ANP32D: variants seen among roughly 807,000 people sequenced by gnomAD.
ANP32D encodes the protein acidic nuclear phosphoprotein 32 family member D.
In ANP32D, 6 loss-of-function variants were observed where a neutral mutation model predicts 7.8. The ratio of observed to expected loss-of-function variants is 0.77; its 90% CI spans 0.42 to 1.52. The LOEUF is 1.52. Ranked by LOEUF, ANP32D falls within the 40% of genes most tolerant of loss-of-function variation. ANP32D has a pLI of 0.01. For synonymous variants in ANP32D, 69 were observed against 59.7 expected (o/e 1.16, Z -0.72); for missense variants, 163 against 145.9 (o/e 1.12, Z -0.60).
In ANP32D at chr12:48,473,346, C is replaced by G. The variant is rs1254096868; in HGVS notation, c.*286C>G. 4.3e-6 allele frequency: 5 copies of G among 1,157,410 alleles called. No homozygotes were observed. Among genetic ancestry groups the G allele is most frequent in the Middle Eastern group, 3.9e-4 (2 of 5,132 alleles). 71.7% of individuals were successfully genotyped at this position (1,157,410 alleles called of 1,614,324 possible). A position where few individuals can be genotyped will look rare whatever the true frequency, so the allele number is the denominator to read the frequency against. On this transcript the variant is annotated 3_prime_UTR_variant, in exon 1 of 1. Coordinates refer to ENST00000266594, the MANE Select transcript of ANP32D (RefSeq NM_012404.3). ...AGATGATGAGGAAGATGAAGAAGAG[C>G]TTGGTGAAGAAGAAAGGGGTCAGAA... is the stretch of plus-strand genomic sequence containing the variant.
chr12:48,472,637 A>G lies in ANP32D; in HGVS notation c.-28A>G, dbSNP rs777415345. 6 of 1,613,336 alleles carry G rather than the reference A, an allele frequency of 3.7e-6. No individual in the cohort carries two copies. In the Admixed American group the frequency reaches 1.0e-4, roughly 27 times the overall value. Reference sequence around the variant, plus strand: ...TTTATTGGTTGAATTCCGCTGGCTCAGGAGCCTCTGCAGAGAAAGCGTGAG... The same window carrying G: ...TTTATTGGTTGAATTCCGCTGGCTCGGGAGCCTCTGCAGAGAAAGCGTGAG... On this transcript the variant is annotated 5_prime_UTR_variant, in exon 1 of 1. Transcript: ENST00000266594.
At position 48,473,347 on chromosome 12, in the gene ANP32D, T is replaced by C; in HGVS notation, c.*287T>C. ...GATGATGAGGAAGATGAAGAAGAGC[T>C]TGGTGAAGAAGAAAGGGGTCAGAAG... On this transcript the variant is annotated 3_prime_UTR_variant, in exon 1 of 1. Transcript: ENST00000266594. 8.7e-7 allele frequency: 1 copy of C among 1,154,990 alleles called. No homozygotes were observed. The highest frequency in any genetic ancestry group is 1.3e-6 in the Non-Finnish European group (1 of 787,240). The allele number at this position is 1,154,990 out of a possible 1,614,324, so 71.5% of individuals were successfully genotyped here.
chr12:48,472,996 A>T lies in ANP32D; in HGVS notation c.332A>T (p.Lys111Met). ...KDLSTIEPLK[K>M]LENLESLDLF... ...CTCAGCACAATAGAGCCCCTGAAAAAGTTAGAAAACCTCGAGAGCTTAGAC... is the reference window on the plus strand; with the variant it reads ...CTCAGCACAATAGAGCCCCTGAAAATGTTAGAAAACCTCGAGAGCTTAGAC... Residue 111 changes from lysine to methionine, a missense_variant, in exon 1 of 1, where the codon AAG becomes ATG. By Grantham distance (95) the Lys-to-Met change is moderately conservative (BLOSUM62 -1). Transcript: ENST00000266594. 1 of 1,614,164 alleles carries T rather than the reference A, an allele frequency of 6.2e-7. No individual in the cohort carries two copies. Among genetic ancestry groups the T allele is most frequent in the Non-Finnish European group, 8.5e-7 (1 of 1,180,022 alleles).
In ANP32D at chr12:48,472,895, A is replaced by G; in HGVS notation, c.231A>G (p.Ser77=). 1 of 1,614,198 alleles carries G rather than the reference A, an allele frequency of 6.2e-7. No homozygotes were observed. Among genetic ancestry groups the G allele is most frequent in the Non-Finnish European group, 8.5e-7 (1 of 1,180,034 alleles). ...KKLELSSNRA[S]VGLEVLAEKC... ...TTGAACTAAGCAGTAACAGAGCCTC[A>G]GTGGGCCTAGAAGTATTGGCAGAAA... The change falls in exon 1 of 1, where the codon TCA becomes TCG. Residue 77 remains serine (S), a synonymous_variant. Transcript: ENST00000266594.
At position 48,473,492 on chromosome 12, in the gene ANP32D, G is replaced by GC. The variant is rs35164299; in HGVS notation, c.*437dup. Reference sequence around the variant, plus strand: ...GTATCCCCTCCCCCACTCCAATCCTGCCCCCTGAAACTTATTTTTTTCTGA... The same window carrying GC: ...GTATCCCCTCCCCCACTCCAATCCTGCCCCCCTGAAACTTATTTTTTTCTGA... On this transcript the variant is annotated 3_prime_UTR_variant, in exon 1 of 1. Coordinates refer to ENST00000266594, the MANE Select transcript of ANP32D (RefSeq NM_012404.3). 0.14 allele frequency: 57,976 copies of GC among 416,166 alleles called. 8,277 individuals carry two copies. The highest frequency in any genetic ancestry group is 0.64 in the East Asian group (10,668 of 16,556). 25.8% of individuals were successfully genotyped at this position (416,166 alleles called of 1,614,324 possible). A position where few individuals can be genotyped will look rare whatever the true frequency, so the allele number is the denominator to read the frequency against.
At position 48,473,179 on chromosome 12, in the gene ANP32D, A is replaced by G; in HGVS notation, c.*119A>G. On this transcript the variant is annotated 3_prime_UTR_variant, in exon 1 of 1. Transcript: ENST00000266594. ...GTGGAGTGCCTGGATGACAAGGAGG[A>G]GGATGAGGATGAGGAGGAGTATGAT... 1 of 1,399,790 alleles carries G rather than the reference A, an allele frequency of 7.1e-7. No individual in the cohort carries two copies. Among genetic ancestry groups the G allele is most frequent in the South Asian group, 1.2e-5 (1 of 85,826 alleles). The allele number at this position is 1,399,790 out of a possible 1,614,324, so 86.7% of individuals were successfully genotyped here.
chr12:48,473,614 G>C lies in ANP32D; in HGVS notation c.*554G>C, dbSNP rs1283711074. The C allele has an allele frequency of 3.8e-6, 1 of 265,122 alleles. No homozygotes were observed. The highest frequency in any genetic ancestry group is 7.4e-6 in the Non-Finnish European group (1 of 135,422). 16.4% of individuals were successfully genotyped at this position (265,122 alleles called of 1,614,324 possible). A position where few individuals can be genotyped will look rare whatever the true frequency, so the allele number is the denominator to read the frequency against. ...GGTGGAATAAAATACTATTTTTACT[G>C]CCACTCTTTATTTTTTCCCCCTACT... is the stretch of plus-strand genomic sequence containing the variant. On this transcript the variant is annotated 3_prime_UTR_variant, in exon 1 of 1. Coordinates refer to ENST00000266594, the MANE Select transcript of ANP32D (RefSeq NM_012404.3).
In ANP32D at chr12:48,473,187, G is replaced by T; in HGVS notation, c.*127G>T. ...CCTGGATGACAAGGAGGAGGATGAGGATGAGGAGGAGTATGATGAAGATGC... is the reference window on the plus strand; with the variant it reads ...CCTGGATGACAAGGAGGAGGATGAGTATGAGGAGGAGTATGATGAAGATGC... On this transcript the variant is annotated 3_prime_UTR_variant, in exon 1 of 1. Coordinates refer to ENST00000266594, the MANE Select transcript of ANP32D (RefSeq NM_012404.3). 1.8e-5 allele frequency: 25 copies of T among 1,396,362 alleles called. No homozygotes were observed. The highest frequency in any genetic ancestry group is 2.5e-5 in the Non-Finnish European group (25 of 985,066). The allele number at this position is 1,396,362 out of a possible 1,614,324, so 86.5% of individuals were successfully genotyped here. A position where few individuals can be genotyped will look rare whatever the true frequency, so the allele number is the denominator to read the frequency against.
rs758465937 is a variant in ANP32D, at chr12:48,472,845, C to T, written c.181C>T (p.Pro61Ser). 7 of 1,613,862 alleles carry T rather than the reference C, an allele frequency of 4.3e-6. No homozygotes were observed. Among genetic ancestry groups the T allele is most frequent in the South Asian group, 3.3e-5 (3 of 91,058 alleles). The stretch of plus-strand genomic sequence containing the variant: ...AGGCCTCACCTCAATTGCAAACTTG[C>T]CAAAGTTAAACAAACTTAAGAAGCT... ...NIGLTSIANL[P>S]KLNKLKKLEL... The change falls in exon 1 of 1, where the codon CCA (proline) becomes TCA (serine). Residue 61 changes from proline (P) to serine (S), a missense_variant. Transcript: ENST00000266594.
rs779269398 is a variant in ANP32D at position 48,472,900 on chromosome 12, G to C, written c.236G>C (p.Gly79Ala). The C allele has an allele frequency of 6.2e-7, 1 of 1,614,104 alleles. No homozygotes were observed. Among genetic ancestry groups the C allele is most frequent in the Admixed American group, 1.7e-5 (1 of 59,998 alleles). Residue 79 changes from glycine to alanine, a missense_variant, in exon 1 of 1, where the codon GGC (glycine) becomes GCC (alanine). Physicochemically the swap from Gly to Ala is moderately conservative, Grantham distance 60. Transcript: ENST00000266594. ...CTAAGCAGTAACAGAGCCTCAGTGGGCCTAGAAGTATTGGCAGAAAAGTGT... is the reference window on the plus strand; with the variant it reads ...CTAAGCAGTAACAGAGCCTCAGTGGCCCTAGAAGTATTGGCAGAAAAGTGT... ...LELSSNRASV[G>A]LEVLAEKCPN...
rs746071349 is a variant in ANP32D at position 48,472,794 on chromosome 12, C to T, written c.130C>T (p.Leu44=). The change falls in exon 1 of 1, where the codon CTG becomes TTG. Residue 44 remains leucine (L), a synonymous_variant. Transcript: ENST00000266594. ...LEGLTDEFEE[L]ELLNTINIGL... is the part of the protein sequence containing the mutation. ...AGGCCTCACAGATGAATTTGAAGAA[C>T]TGGAATTATTAAATACAATCAACAT... 6 of 1,614,014 alleles carry T rather than the reference C, an allele frequency of 3.7e-6. No individual in the cohort carries two copies. The African/African-American group carries it at 8.0e-5, about 22-fold the overall frequency.
rs903057224 is a variant in ANP32D, at chr12:48,473,503, CTT to C, written c.*444_*445del. 2.5e-6 allele frequency: 1 copy of C among 397,090 alleles called. No homozygotes were observed. Among genetic ancestry groups the C allele is most frequent in the East Asian group, 6.1e-5 (1 of 16,478 alleles). The allele number at this position is 397,090 out of a possible 1,614,324, so 24.6% of individuals were successfully genotyped here. A position where few individuals can be genotyped will look rare whatever the true frequency, so the allele number is the denominator to read the frequency against. On this transcript the variant is annotated 3_prime_UTR_variant, in exon 1 of 1. Transcript: ENST00000266594. ...CCCACTCCAATCCTGCCCCCTGAAA[CTT>C]ATTTTTTTCTGATTGTAACGTTGCT...
chr12:48,473,162 C>T lies in ANP32D; in HGVS notation c.*102C>T, dbSNP rs1455373880. On this transcript the variant is annotated 3_prime_UTR_variant, in exon 1 of 1. Coordinates refer to ENST00000266594, the MANE Select transcript of ANP32D (RefSeq NM_012404.3). ...CGGATGGTGAGGGCTTTGTGGAGTG[C>T]CTGGATGACAAGGAGGAGGATGAGG... The T allele has an allele frequency of 2.0e-6, 3 of 1,532,128 alleles. No homozygotes were observed. Among genetic ancestry groups the T allele is most frequent in the Non-Finnish European group, 2.7e-6 (3 of 1,107,150 alleles). The allele number at this position is 1,532,128 out of a possible 1,614,324, so 94.9% of individuals were successfully genotyped here.
At position 48,472,986 on chromosome 12, in the gene ANP32D, C is replaced by T; in HGVS notation, c.322C>T (p.Pro108Ser). 1 of 1,614,096 alleles carries T rather than the reference C, an allele frequency of 6.2e-7. No individual in the cohort carries two copies. Among genetic ancestry groups the T allele is most frequent in the African/African-American group, 1.3e-5 (1 of 75,002 alleles). The change falls in exon 1 of 1, where the codon CCC becomes TCC. Residue 108 changes from proline to serine, a missense_variant. Transcript: ENST00000266594. ...NKIKDLSTIE[P>S]LKKLENLESL... The stretch of plus-strand genomic sequence containing the variant: ...AATTAAAGACCTCAGCACAATAGAG[C>T]CCCTGAAAAAGTTAGAAAACCTCGA...
Position 48,472,703 on chromosome 12 carries a change from C to A in ANP32D, c.39C>A (p.Asn13Lys). The A allele has an allele frequency of 6.2e-7, 1 of 1,614,160 alleles. No individual in the cohort carries two copies. Among genetic ancestry groups the A allele is most frequent in the Non-Finnish European group, 8.5e-7 (1 of 1,180,026 alleles). ...MGKWIHLELR[N>K]RTPSDVKELF... ...AATGGATTCATTTAGAGCTGCGGAA[C>A]AGGACGCCCTCCGATGTGAAAGAAC... is the stretch of plus-strand genomic sequence containing the variant. The change falls in exon 1 of 1, where the codon AAC becomes AAA. Residue 13 changes from asparagine to lysine, a missense_variant. Coordinates refer to ENST00000266594, the MANE Select transcript of ANP32D (RefSeq NM_012404.3).
chr12:48,472,569 C>A lies in ANP32D; in HGVS notation c.-96C>A, dbSNP rs1385820829. The A allele has an allele frequency of 2.1e-6, 3 of 1,448,520 alleles. No individual in the cohort carries two copies. Among genetic ancestry groups the A allele is most frequent in the Non-Finnish European group, 2.8e-6 (3 of 1,057,640 alleles). The allele number at this position is 1,448,520 out of a possible 1,614,324, so 89.7% of individuals were successfully genotyped here. On this transcript the variant is annotated 5_prime_UTR_variant, in exon 1 of 1. Coordinates refer to ENST00000266594, the MANE Select transcript of ANP32D (RefSeq NM_012404.3). ...AAGAATTTACTTTCGGAGAACCCAG[C>A]AGAGCTGGTTGAGCTTTCAAATGTG...
Position 48,473,105 on chromosome 12 carries a change from C to T in ANP32D, c.*45C>T. On this transcript the variant is annotated 3_prime_UTR_variant, in exon 1 of 1. Coordinates refer to ENST00000266594, the MANE Select transcript of ANP32D (RefSeq NM_012404.3). ...TCCTGCAACTCACATATCTCAACGG[C>T]TGTGACCCGGATGACAAGGAGGCCC... is the stretch of plus-strand genomic sequence containing the variant. The T allele has an allele frequency of 6.2e-7, 1 of 1,613,390 alleles. No individual in the cohort carries two copies. The highest frequency in any genetic ancestry group is 8.5e-7 in the Non-Finnish European group (1 of 1,179,618).
At position 48,472,641 on chromosome 12, in the gene ANP32D, G is replaced by A. The variant is rs780959216; in HGVS notation, c.-24G>A. On this transcript the variant is annotated 5_prime_UTR_variant, in exon 1 of 1. Transcript: ENST00000266594. ...TTGGTTGAATTCCGCTGGCTCAGGA[G>A]CCTCTGCAGAGAAAGCGTGAGAGAT... is the stretch of plus-strand genomic sequence containing the variant. 1.9e-6 allele frequency: 3 copies of A among 1,613,512 alleles called. No homozygotes were observed. The highest frequency in any genetic ancestry group is 4.5e-5 in the East Asian group (2 of 44,864).
rs1212933288 is a variant in ANP32D at position 48,473,108 on chromosome 12, T to C, written c.*48T>C. On this transcript the variant is annotated 3_prime_UTR_variant, in exon 1 of 1. Coordinates refer to ENST00000266594, the MANE Select transcript of ANP32D (RefSeq NM_012404.3). ...TGCAACTCACATATCTCAACGGCTG[T>C]GACCCGGATGACAAGGAGGCCCCTA... 3 of 1,613,162 alleles carry C rather than the reference T, an allele frequency of 1.9e-6. No homozygotes were observed. The highest frequency in any genetic ancestry group is 2.5e-6 in the Non-Finnish European group (3 of 1,179,538).
Sources: allele counts gnomAD v4.1 joint callset, GRCh38; gene constraint gnomAD v4.1.1; transcripts MANE v1.5; gene names NCBI Gene and HGNC (gene_info 2026-07-23, HGNC 2026-07-21).